ERBB4: variants seen among roughly 807,000 people sequenced by gnomAD.
ERBB4 encodes the protein receptor tyrosine-protein kinase erbB-4.
In ERBB4, 42 loss-of-function variants were observed where a neutral mutation model predicts 158.0. The ratio of observed to expected loss-of-function variants is 0.27; its 90% CI spans 0.21 to 0.34. The LOEUF is 0.34. Ranked by LOEUF, ERBB4 falls within the 10% of genes least tolerant of loss-of-function variation. ERBB4 has a pLI of 1.00. For missense variants in ERBB4, 1,333 were observed against 1,624.1 expected, an observed-to-expected ratio of 0.82 and a Z score of 3.08; for synonymous variants, 583 against 558.7, an observed-to-expected ratio of 1.04 and a Z score of -0.61.
At chr2:212,024,023 TG>T (rs2076718545) in intron 2 of ERBB4, among the ~76,000 whole-genome samples, 1 of 151,920 alleles carries the variant, frequency 6.6e-6, no homozygotes. Flanking sequence ...ATTTGTCTTT[TG>T]TCCCCAAAAT....
rs1313505827 is a variant in ERBB4, at chr2:211,946,571, G to GCT, written c.421+857_421+858dup. On this transcript the variant is annotated intron_variant, in intron 3 of 27. Transcript: ENST00000342788. ...TTAGGTACTAATTATTTACTAATTA[G>GCT]CTCTCTTTTTTTTTTTTTTTTTTTT... 6.5e-3 allele frequency among the ~76,000 whole-genome samples: 663 copies of GCT among 102,136 alleles called. 25 individuals are homozygous for GCT. Among genetic ancestry groups the GCT allele is most frequent in the South Asian group, 0.046 (104 of 2,278 alleles). 67.0% of individuals were successfully genotyped at this position (102,136 alleles called of 152,430 possible).
At chr2:212,382,859 T>A (rs983108896) in intron 1 of ERBB4, among the ~76,000 whole-genome samples, 1 of 151,348 alleles carries the variant, frequency 6.6e-6, no homozygotes, top group Non-Finnish European at 1.5e-5. Context: ...CTTTTGTGAA[T>A]TTTTCTGTAC....
At chr2:212,009,773 G>T (rs2076340410) in intron 2 of ERBB4, among the ~76,000 whole-genome samples, 2 of 152,024 alleles carry the variant, frequency 1.3e-5, no homozygotes, top group Non-Finnish European at 2.9e-5. Context: ...CTGAAATTTG[G>T]TTTCCTGAGA....
intron 1 of ERBB4, among the ~76,000 whole-genome samples, chr2:212,532,504 TAA>T (rs1373854522): frequency 6.6e-6 from 1 of 152,190 alleles, no homozygotes; most frequent in Non-Finnish European, 1.5e-5. Flanking sequence ...ACTTTTTTTC[TAA>T]AAAGTCTAAA....
chr2:211,428,468 T>A lies in ERBB4; in HGVS notation c.2659A>T (p.Met887Leu), dbSNP rs2063682033. 1 of 1,564,696 alleles carries A rather than the reference T, an allele frequency of 6.4e-7. No individual in the cohort carries two copies. Among genetic ancestry groups the A allele is most frequent in the Non-Finnish European group, 8.8e-7 (1 of 1,136,114 alleles). ...CTGTAATGTATACACTCCAGAGCCATCCATTTAATTGGCATCTATAGAGAA... is the reference window on the plus strand; with the variant it reads ...CTGTAATGTATACACTCCAGAGCCAACCATTTAATTGGCATCTATAGAGAA... ...ADGGKMPIKW[M>L]ALECIHYRKF... Residue 887 changes from methionine (M) to leucine (L), a missense_variant, in exon 22 of 28, where the codon ATG (methionine) becomes TTG (leucine). By Grantham distance (15) the Met-to-Leu change is conservative (BLOSUM62 2). Coordinates refer to ENST00000342788, the MANE Select transcript of ERBB4 (RefSeq NM_005235.3).
intron 1 of ERBB4, among the ~76,000 whole-genome samples, chr2:212,383,205 C>T (rs912699783): frequency 4.6e-5 from 7 of 151,308 alleles, no homozygotes; most frequent in South Asian, 2.1e-4. Context: ...AAAGACCTAA[C>T]GTATTTCTTT....
chr2:212,476,727 A>C (rs1234005616), intron 1 of ERBB4, among the ~76,000 whole-genome samples: 3 of 152,086 alleles, frequency 2.0e-5, no homozygotes, highest in African/African-American at 2.4e-5. Context: ...CATTAACACA[A>C]ATTAAAAAGT....
chr2:211,391,647 T>C (rs1437453658), intron 25 of ERBB4, among the ~76,000 whole-genome samples: 1 of 152,208 alleles, frequency 6.6e-6, no homozygotes, highest in East Asian at 1.9e-4. Flanking sequence ...AGAAGGCAAG[T>C]ATCAGTAAAT....
chr2:212,446,222 A>G (rs551068361), intron 1 of ERBB4, among the ~76,000 whole-genome samples: 7 of 152,106 alleles, frequency 4.6e-5, no homozygotes, highest in Admixed American at 3.9e-4. Context: ...ACTGAGTGTC[A>G]ACTTGATTGG....
At chr2:212,064,144 G>GATT (rs2077868743) in intron 2 of ERBB4, among the ~76,000 whole-genome samples, 1 of 152,080 alleles carries the variant, frequency 6.6e-6, no homozygotes, top group Non-Finnish European at 1.5e-5. Flanking sequence ...AAGGAAAGGA[G>GATT]ATTCCAGATT....
At chr2:212,401,812 T>A (rs1021379014) in intron 1 of ERBB4, among the ~76,000 whole-genome samples, 10 of 152,166 alleles carry the variant, frequency 6.6e-5, no homozygotes, top group Non-Finnish European at 4.4e-5. Flanking sequence ...CAAACATAAT[T>A]ATTGAAAACT....
At chr2:212,019,636 G>C (rs1253077151) in intron 2 of ERBB4, among the ~76,000 whole-genome samples, 1 of 151,502 alleles carries the variant, frequency 6.6e-6, no homozygotes, top group African/African-American at 2.4e-5. Flanking sequence ...GGTGGCGGGC[G>C]CCTGTAATCC....
intron 1 of ERBB4, among the ~76,000 whole-genome samples, chr2:212,298,249 G>A (rs1326483258): frequency 1.3e-5 from 2 of 151,672 alleles, no homozygotes; most frequent in African/African-American, 4.8e-5. Context: ...AGTAAAAAAA[G>A]ATCAGTTTCT....
chr2:212,090,261 G>A (rs1007277386), intron 2 of ERBB4, among the ~76,000 whole-genome samples: 14 of 152,060 alleles, frequency 9.2e-5, no homozygotes, highest in African/African-American at 3.1e-4. Flanking sequence ...GAAAATAAAT[G>A]TTAAAATTAT....
intron 2 of ERBB4, among the ~76,000 whole-genome samples, chr2:211,977,925 T>C (rs2125222329): frequency 6.9e-6 from 1 of 145,320 alleles, no homozygotes; most frequent in Non-Finnish European, 1.5e-5. Flanking sequence ...AGAAGGAAAA[T>C]ATATTCATAT....
chr2:211,645,445 C>T (rs1055355319), intron 16 of ERBB4, among the ~76,000 whole-genome samples: 1 of 151,460 alleles, frequency 6.6e-6, no homozygotes, highest in Admixed American at 6.6e-5. Flanking sequence ...CTTATTCCTC[C>T]ATAAAAATAA....
chr2:212,168,269 A>C (rs149851615), intron 1 of ERBB4, among the ~76,000 whole-genome samples: 1 of 152,102 alleles, frequency 6.6e-6, no homozygotes, highest in African/African-American at 2.4e-5. Context: ...TGATTTTTTC[A>C]AGAGTAAAGG....
chr2:211,699,931 C>T (rs573187066), intron 12 of ERBB4, among the ~76,000 whole-genome samples: 1 of 151,990 alleles, frequency 6.6e-6, no homozygotes, highest in Admixed American at 6.6e-5. Flanking sequence ...TTTGCATTTT[C>T]TTCTTCCCAT....
chr2:212,344,311 A>C (rs930126271), intron 1 of ERBB4, among the ~76,000 whole-genome samples: 2 of 152,140 alleles, frequency 1.3e-5, no homozygotes, highest in African/African-American at 4.8e-5. Context: ...CTGGCATACC[A>C]GTAGATCCCA....
Sources: gnomAD v4.1 joint callset for allele counts (sites outside exome capture counted in the v4.1 genomes callset) on GRCh38, gnomAD v4.1.1 for gene constraint, MANE v1.5 for transcripts, NCBI Gene and HGNC (gene_info 2026-07-23, HGNC 2026-07-21) for gene names.